The following LRBA variants were observed in gnomAD, a reference collection of about 807,000 sequenced individuals.
LRBA encodes the protein lipopolysaccharide-responsive and beige-like anchor protein.
LRBA carries 176 observed loss-of-function variants against 330.0 expected under a neutral mutation model. That is an observed-to-expected ratio of 0.53 (90% CI 0.47 to 0.60). The LOEUF is 0.60. Ranked by LOEUF, LRBA falls within the 20% of genes least tolerant of loss-of-function variation. The pLI is 0.00. For missense variants in LRBA, 3,259 were observed against 3,444.8 expected (o/e 0.95, Z 1.35); for synonymous variants, 1,230 against 1,193.0 (o/e 1.03, Z -0.64).
chr4:150,827,438 A>G (rs531520822), intron 30 of LRBA, among the ~76,000 whole-genome samples: 1 of 152,172 alleles, frequency 6.6e-6, no homozygotes, highest in African/African-American at 2.4e-5. Context: ...CACTTTCTCC[A>G]ACTCTGCTAC....
intron 2 of LRBA, among the ~76,000 whole-genome samples, chr4:150,969,494 T>C (rs1469595928): frequency 6.6e-6 from 1 of 152,152 alleles, no homozygotes; most frequent in African/African-American, 2.4e-5. Context: ...AGAACTAGAT[T>C]GAGAAGTGGA....
chr4:150,811,846 T>A (rs1429639701), intron 31 of LRBA, among the ~76,000 whole-genome samples: 1 of 152,114 alleles, frequency 6.6e-6, no homozygotes, highest in African/African-American at 2.4e-5. Flanking sequence ...AAATGCATAT[T>A]AGAAATGTGA....
chr4:150,449,024 T>C (rs1753020007), intron 44 of LRBA, among the ~76,000 whole-genome samples: 1 of 151,908 alleles, frequency 6.6e-6, no homozygotes, highest in Admixed American at 6.6e-5. Flanking sequence ...GCTCTCTAAG[T>C]AACACAGGCA....
chr4:150,871,299 T>G (rs767038722), intron 19 of LRBA, 46 bp downstream of exon 19: 2 of 1,058,522 alleles, frequency 1.9e-6, no homozygotes, highest in Admixed American at 3.6e-5. Context: ...AAGAGGCATT[T>G]TTATAATAAG....
chr4:150,328,580 A>G (rs1733595876), intron 48 of LRBA, among the ~76,000 whole-genome samples: 1 of 152,162 alleles, frequency 6.6e-6, no homozygotes, highest in Non-Finnish European at 1.5e-5. Context: ...AATTCTGAGA[A>G]TTCTTTAGGG....
chr4:150,341,334 T>G (rs1311816705), intron 48 of LRBA, among the ~76,000 whole-genome samples: 4 of 152,014 alleles, frequency 2.6e-5, no homozygotes, highest in Admixed American at 2.6e-4. Context: ...GCTAATTATT[T>G]GTATTTTAAT....
chr4:150,887,806 C>G (rs1026100228), intron 17 of LRBA, among the ~76,000 whole-genome samples: 12 of 150,040 alleles, frequency 8.0e-5, no homozygotes, highest in African/African-American at 2.9e-4. Flanking sequence ...AAAAAAGAAC[C>G]TACAACTTCT....
At chr4:150,575,815 C>T (rs1770467507) in intron 40 of LRBA, among the ~76,000 whole-genome samples, 1 of 151,844 alleles carries the variant, frequency 6.6e-6, no homozygotes, top group South Asian at 2.1e-4. Flanking sequence ...TGTTTTGGCT[C>T]ACAATGTGAG....
intron 44 of LRBA, among the ~76,000 whole-genome samples, chr4:150,453,027 C>A (rs934117523): frequency 2.7e-4 from 41 of 152,034 alleles, no homozygotes; most frequent in African/African-American, 9.9e-4. Flanking sequence ...AGCTATGGAA[C>A]ATTTGAGAGA....
intron 53 of LRBA, among the ~76,000 whole-genome samples, chr4:150,293,376 T>C (rs1011804781): frequency 6.6e-6 from 1 of 152,246 alleles, no homozygotes; most frequent in East Asian, 1.9e-4. Context: ...TGCATTTTAA[T>C]TATGCTTAGA....
chr4:150,901,994 T>C (rs779653206), intron 13 of LRBA, among the ~76,000 whole-genome samples: 4 of 152,096 alleles, frequency 2.6e-5, no homozygotes, highest in Non-Finnish European at 4.4e-5. Flanking sequence ...ATGCTGTCCC[T>C]AAGTAGCTGA....
intron 2 of LRBA, among the ~76,000 whole-genome samples, chr4:150,968,643 C>G (rs1295532212): frequency 6.6e-6 from 1 of 152,158 alleles, no homozygotes; most frequent in Non-Finnish European, 1.5e-5. Context: ...AGGAAAGAAA[C>G]AGTCTCCATA....
intron 30 of LRBA, among the ~76,000 whole-genome samples, chr4:150,824,520 C>T (rs1489973459): frequency 6.6e-6 from 1 of 152,100 alleles, no homozygotes; most frequent in Non-Finnish European, 1.5e-5. Context: ...TTCAGTTTTT[C>T]TCTGTTCCAT....
At chr4:150,297,403 T>C (rs565946615) in intron 53 of LRBA, among the ~76,000 whole-genome samples, 1 of 152,324 alleles carries the variant, frequency 6.6e-6, no homozygotes, top group South Asian at 2.1e-4. Flanking sequence ...ATCCTGGACC[T>C]TCTGGAGAAT....
intron 9 of LRBA, among the ~76,000 whole-genome samples, chr4:150,909,638 G>T (rs1312524125): frequency 6.6e-6 from 1 of 152,088 alleles, no homozygotes; most frequent in African/African-American, 2.4e-5. Context: ...GTGCAAATAC[G>T]TCTCTGTGAT....
chr4:151,012,902 C>T (rs1579503037), intron 2 of LRBA: 3 of 151,466 alleles, frequency 2.0e-5, no homozygotes, highest in Admixed American at 2.0e-4. Context: ...CCTCCACCTC[C>T]TGGGTACAAG....
intron 46 of LRBA, among the ~76,000 whole-genome samples, chr4:150,430,045 G>A (rs1036964701): frequency 2.3e-4 from 35 of 151,996 alleles, no homozygotes; most frequent in African/African-American, 8.2e-4. Context: ...AACAAAACTT[G>A]TTCTTTCTTC....
intron 2 of LRBA, among the ~76,000 whole-genome samples, chr4:150,985,299 A>G (rs180796547): frequency 6.6e-6 from 1 of 151,824 alleles, no homozygotes; most frequent in East Asian, 1.9e-4. Context: ...AAAAAATAAA[A>G]CAAAAGCTCA....
chr4:150,529,928 C>CT (rs1226941720), intron 40 of LRBA, among the ~76,000 whole-genome samples: 1 of 152,088 alleles, frequency 6.6e-6, no homozygotes, highest in African/African-American at 2.4e-5. Context: ...TCGCATTATA[C>CT]TTTTCTTTCT....
Sources: allele counts gnomAD v4.1 joint callset (sites outside exome capture counted in the v4.1 genomes callset), GRCh38; gene constraint gnomAD v4.1.1; transcripts MANE v1.5; gene names NCBI Gene and HGNC (gene_info 2026-07-23, HGNC 2026-07-21).